The following ADNP variants were observed in gnomAD, a reference collection of about 807,000 sequenced individuals.
ADNP encodes activity dependent neuroprotector homeobox.
A neutral mutation model predicts 84.9 loss-of-function variants in ADNP; 4 were observed. The ratio of observed to expected loss-of-function variants is 0.05; its 90% CI spans 0.02 to 0.11. ADNP has a LOEUF of 0.11. ADNP is among the 10% of genes least tolerant of loss of function. The pLI, the probability that ADNP is intolerant of heterozygous loss-of-function variation, is 1.00. For missense variants in ADNP, 1,132 were observed against 1,326.0 expected, an observed-to-expected ratio of 0.85 and a Z score of 2.27; for synonymous variants, 554 against 468.1, an observed-to-expected ratio of 1.18 and a Z score of -2.37.
At chr20:50,901,699 A>G (rs537292497) in intron 5 of ADNP, among the ~76,000 whole-genome samples, 1 of 152,364 alleles carries the variant, frequency 6.6e-6, no homozygotes, top group Non-Finnish European at 1.5e-5. Context: ...CTGTGCAGAA[A>G]AAACAAGAAT....
chr20:50,899,700 G>A (rs919249961), intron 5 of ADNP, among the ~76,000 whole-genome samples: 2 of 151,774 alleles, frequency 1.3e-5, no homozygotes, highest in Non-Finnish European at 1.5e-5. Flanking sequence ...AGCTGTGAAG[G>A]TGGCAATGGT....
Position 50,889,064 on chromosome 20 carries a change from TTTA to T in ADNP, c.*2338_*2340del, listed in dbSNP as rs1188317624. The T allele has an allele frequency of 1.3e-5, 2 of 152,204 alleles. No homozygotes were observed. Among genetic ancestry groups the T allele is most frequent in the Admixed American group, 6.5e-5 (1 of 15,284 alleles). The allele number at this position is 152,204 out of a possible 1,614,324, so 9.4% of individuals were successfully genotyped here. ...GCAACAATATTCTTTTAAAATGGCT[TTTA>T]TTGAGACACTTGTAGGGATTCTGCA... On this transcript the variant is annotated 3_prime_UTR_variant, in exon 6 of 6. Transcript: ENST00000621696.
At chr20:50,917,500 A>G (rs1470948395) in intron 2 of ADNP, among the ~76,000 whole-genome samples, 1 of 152,238 alleles carries the variant, frequency 6.6e-6, no homozygotes, top group Admixed American at 6.5e-5. Context: ...GTATTCTTAA[A>G]TAACAGGCCA....
chr20:50,892,689 C>A lies in ADNP; in HGVS notation c.2025G>T (p.Met675Ile). The change falls in exon 6 of 6, where the codon ATG (methionine) becomes ATT (isoleucine). Residue 675 changes from methionine to isoleucine, a missense_variant. Met to Ile is a conservative substitution (Grantham distance 10). Around this residue, in one of 10 missense-constraint regions of ADNP, gnomAD observed 39 missense variants for 96.2 expected, o/e 0.41. Transcript: ENST00000621696. ...GATGCAGAGTGATAGTTGAGGCGGT[C>A]ATGTTGCTGGTATACACACCAAGGC... ...IHCLGVYTSN[M>I]TASTITLHLV... 1 of 1,614,162 alleles carries A rather than the reference C, an allele frequency of 6.2e-7. No homozygotes were observed. Among genetic ancestry groups the A allele is most frequent in the South Asian group, 1.1e-5 (1 of 91,078 alleles).
rs949028783 is a variant in ADNP, at chr20:50,904,844, G to C, written c.-84C>G. On this transcript the variant is annotated 5_prime_UTR_variant, in exon 3 of 6. Transcript: ENST00000621696. ...TTGGAACTGTCCTGCCTACTGCTAC[G>C]GTATTCTTTAAAACAAAAACAAAAA... is the stretch of plus-strand genomic sequence containing the variant. 6.6e-6 allele frequency: 1 copy of C among 151,740 alleles called. No individual in the cohort carries two copies. The highest frequency in any genetic ancestry group is 1.5e-5 in the Non-Finnish European group (1 of 67,950). The allele number at this position is 151,740 out of a possible 1,614,324, so 9.4% of individuals were successfully genotyped here.
At chr20:50,911,809 C>A (rs1983067404) in intron 2 of ADNP, among the ~76,000 whole-genome samples, 1 of 151,970 alleles carries the variant, frequency 6.6e-6, no homozygotes. Context: ...AAAAGACAAC[C>A]CAGCTACCTC....
In ADNP at chr20:50,894,221, A is replaced by T; in HGVS notation, c.493T>A (p.Tyr165Asn). The T allele has an allele frequency of 6.2e-7, 1 of 1,614,086 alleles. No individual in the cohort carries two copies. The highest frequency in any genetic ancestry group is 8.5e-7 in the Non-Finnish European group (1 of 1,180,010). ...CGGTAAGTGCACTTCTTACAGTAAT[A>T]AACAGCTTGCTCTACACTGTCAGCC... is the stretch of plus-strand genomic sequence containing the variant. Reference protein sequence around the residue: ...KQADSVEQAVYYCKKCTYRDP... With the variant: ...KQADSVEQAVNYCKKCTYRDP... The change falls in exon 6 of 6, where the codon TAT becomes AAT. Residue 165 changes from tyrosine to asparagine, a missense_variant. Tyr to Asn is a moderately radical substitution (Grantham distance 143). Around this residue, in one of 10 missense-constraint regions of ADNP, gnomAD observed 130 missense variants for 183.7 expected, o/e 0.71. Transcript: ENST00000621696.
chr20:50,917,711 T>C (rs1184317233), intron 2 of ADNP, among the ~76,000 whole-genome samples: 3 of 152,066 alleles, frequency 2.0e-5, no homozygotes, highest in African/African-American at 7.2e-5. Flanking sequence ...GTCCAAAAAG[T>C]TACATAAGCA....
rs879528773 is a variant in ADNP, at chr20:50,919,285, TTAAGTG to T, written c.-90+9360_-90+9365del. 7.4e-3 allele frequency among the ~76,000 whole-genome samples: 636 copies of T among 85,446 alleles called. 15 individuals carry two copies. The highest frequency in any genetic ancestry group is 0.036 in the African/African-American group (485 of 13,612). The allele number at this position is 85,446 out of a possible 152,430, so 56.1% of individuals were successfully genotyped here. A position where few individuals can be genotyped will look rare whatever the true frequency, so the allele number is the denominator to read the frequency against. On this transcript the variant is annotated intron_variant, in intron 2 of 5. Coordinates refer to ENST00000621696, the MANE Select transcript of ADNP (RefSeq NM_001282531.3). ...GACCAGCCTGAAAAAATACATATAT[TTAAGTG>T]TATATATATATATATATATATATAT...
intron 2 of ADNP, among the ~76,000 whole-genome samples, chr20:50,909,958 C>T (rs1982880866): frequency 6.6e-6 from 1 of 152,200 alleles, no homozygotes; most frequent in Admixed American, 6.5e-5. Context: ...CGAAGAACAG[C>T]ACTTCCCTAT....
At chr20:50,908,147 G>GT (rs142605027) in intron 2 of ADNP, among the ~76,000 whole-genome samples, 12,089 of 105,878 alleles carry the variant, frequency 0.11, 712 homozygotes, top group Non-Finnish European at 0.14. Context: ...AGATTTTTCT[G>GT]TTTTTTTTTT....
Position 50,892,950 on chromosome 20 carries a change from T to C in ADNP, c.1764A>G (p.Pro588=), listed in dbSNP as rs144102823. ...CCTTTGGCTGTGGCTTTGGAGGAAC[T>C]GGAGGATTATTTTGGGCATGGTAAG... is the stretch of plus-strand genomic sequence containing the variant. ...SVAYHAQNNP[P]VPPKPQPKVQ... The change falls in exon 6 of 6, where the codon CCA becomes CCG. Residue 588 remains proline, a synonymous_variant. Coordinates refer to ENST00000621696, the MANE Select transcript of ADNP (RefSeq NM_001282531.3). 1.4e-5 allele frequency: 23 copies of C among 1,614,102 alleles called. No individual in the cohort carries two copies. In the African/African-American group the frequency reaches 2.9e-4, roughly 21 times the overall value.
intron 5 of ADNP, among the ~76,000 whole-genome samples, chr20:50,899,022 TCAA>T (rs1981693352): frequency 6.6e-6 from 1 of 152,126 alleles, no homozygotes; most frequent in African/African-American, 2.4e-5. Flanking sequence ...AGTTGACTCT[TCAA>T]CAACATAGGT....
At position 50,894,067 on chromosome 20, in the gene ADNP, C is replaced by T. The variant is rs770725626; in HGVS notation, c.647G>A (p.Arg216Gln). 21 of 1,614,184 alleles carry T rather than the reference C, an allele frequency of 1.3e-5. No homozygotes were observed. In the African/African-American group the frequency reaches 1.7e-4, roughly 13 times the overall value. ...NGAVPLGSNA[R>Q]EESSIHCKRC... The stretch of plus-strand genomic sequence containing the variant: ...CTTGCAGTGAATACTACTCTCTTCT[C>T]GGGCATTCGAGCCTAAGGGGACTGC... Residue 216 changes from arginine to glutamine, a missense_variant, in exon 6 of 6, where the codon CGA becomes CAA. Arg to Gln is a conservative substitution (Grantham distance 43). Coordinates refer to ENST00000621696, the MANE Select transcript of ADNP (RefSeq NM_001282531.3).
intron 5 of ADNP, among the ~76,000 whole-genome samples, chr20:50,896,720 T>C (rs938441458): frequency 6.6e-6 from 1 of 152,204 alleles, no homozygotes. Context: ...GTAACACACA[T>C]GGAACTGCCA....
Position 50,891,919 on chromosome 20 carries a change from T to C in ADNP, c.2795A>G (p.Asp932Gly). Residue 932 changes from aspartate to glycine, a missense_variant, in exon 6 of 6, where the codon GAT becomes GGT. Asp to Gly is a moderately conservative substitution (Grantham distance 94). Coordinates refer to ENST00000621696, the MANE Select transcript of ADNP (RefSeq NM_001282531.3). ...ESEEKLDQKE[D>G]GSKYETIHLT... ...ATGAATAGTTTCGTATTTTGAACCA[T>C]CCTCTTTTTGGTCTAGCTTCTCCTC... 1 of 1,614,236 alleles carries C rather than the reference T, an allele frequency of 6.2e-7. No individual in the cohort carries two copies. Among genetic ancestry groups the C allele is most frequent in the Non-Finnish European group, 8.5e-7 (1 of 1,180,042 alleles).
At chr20:50,902,310 C>G (rs1982066816) in intron 4 of ADNP, among the ~76,000 whole-genome samples, 1 of 152,084 alleles carries the variant, frequency 6.6e-6, no homozygotes, top group South Asian at 2.1e-4. Context: ...ATCAACCAAC[C>G]ACTTTCCTGA....
intron 2 of ADNP, among the ~76,000 whole-genome samples, chr20:50,910,332 G>A (rs181067108): frequency 1.7e-4 from 26 of 152,260 alleles, no homozygotes; most frequent in Admixed American, 1.5e-3. Flanking sequence ...TTTTATTTAC[G>A]ACTGAAAGTA....
chr20:50,922,577 C>CA (rs1984026659), intron 2 of ADNP, among the ~76,000 whole-genome samples: 3 of 112,826 alleles, frequency 2.7e-5, no homozygotes, highest in African/African-American at 9.2e-5. Flanking sequence ...AGTCCTCCTG[C>CA]GTTTTTTTTT....
Sources: allele counts gnomAD v4.1 joint callset (sites outside exome capture counted in the v4.1 genomes callset), GRCh38; gene constraint gnomAD v4.1.1; regional missense constraint gnomAD v4.1.1; transcripts MANE v1.5; gene names NCBI Gene and HGNC (gene_info 2026-07-23, HGNC 2026-07-21).